The following LIFR variants were observed in gnomAD, a reference collection of about 807,000 sequenced individuals.
LIFR encodes leukemia inhibitory factor receptor.
Under a neutral mutation model 122.2 loss-of-function variants are expected in LIFR, and 84 were observed. The ratio of observed to expected loss-of-function variants is 0.69; its 90% CI spans 0.58 to 0.82. The LOEUF (loss-of-function observed/expected upper bound fraction) is 0.82, where lower values mean the gene tolerates loss of function less well. LIFR is among the 40% of genes least tolerant of loss of function. The pLI is 0.00. For synonymous variants in LIFR, 422 were observed against 434.7 expected, an observed-to-expected ratio of 0.97 and a Z score of 0.36; for missense variants, 1,294 against 1,311.6, an observed-to-expected ratio of 0.99 and a Z score of 0.21.
At position 38,587,316 on chromosome 5, in the gene LIFR, C is replaced by T. The variant is rs185692993; in HGVS notation, c.-20+7945G>A. On this transcript the variant is annotated intron_variant, in intron 1 of 19. Transcript: ENST00000263409. ...GACAGGGATGGGAAGAAAAACCTCA[C>T]GGATAAAAAAGATGTTTAAGCCTGG... Among the ~76,000 whole-genome samples, 717 of 152,062 alleles carry T rather than the reference C, an allele frequency of 4.7e-3. 6 individuals carry two copies. The highest frequency in any genetic ancestry group is 7.0e-3 in the Non-Finnish European group (479 of 67,996).
At chr5:38,587,501 A>G (rs1749789120) in intron 1 of LIFR, among the ~76,000 whole-genome samples, 1 of 151,202 alleles carries the variant, frequency 6.6e-6, no homozygotes, top group Non-Finnish European at 1.5e-5. Context: ...AAAGGCCACT[A>G]TTGCTTGAGC....
chr5:38,583,212 C>A (rs555023622), intron 1 of LIFR, among the ~76,000 whole-genome samples: 1 of 152,204 alleles, frequency 6.6e-6, no homozygotes. Context: ...TATGGTACAA[C>A]TTATAACACT....
At chr5:38,531,641 GAAA>G (rs1462321300) in intron 1 of LIFR, among the ~76,000 whole-genome samples, 1 of 151,584 alleles carries the variant, frequency 6.6e-6, no homozygotes, top group Non-Finnish European at 1.5e-5. Flanking sequence ...ATTAAAATAA[GAAA>G]AAGATTGAGT....
At chr5:38,597,759 G>C (rs1195342417), upstream of LIFR, among the ~76,000 whole-genome samples, 1 of 152,200 alleles carries the variant, frequency 6.6e-6, no homozygotes, top group Admixed American at 6.5e-5. Flanking sequence ...TGACCAGCTG[G>C]AGACGGAGCG....
rs773879683 is a variant in LIFR, at chr5:38,510,562, G to GC, written c.892dup (p.Ala298GlyfsTer6). On this transcript the variant is annotated frameshift_variant, in exon 7 of 20. Transcript: ENST00000453190. LOFTEE classifies it high-confidence loss of function. ...AACAGAAATATTACGAATCTTGATT[G>GC]CAACATTTTCCCCATCAAGATGGAT... The GC allele has an allele frequency of 1.2e-6, 2 of 1,613,940 alleles. No individual in the cohort carries two copies. The highest frequency in any genetic ancestry group is 3.3e-5 in the Admixed American group (2 of 60,014).
chr5:38,513,242 T>C (rs1310690239), intron 5 of LIFR, among the ~76,000 whole-genome samples: 2 of 152,164 alleles, frequency 1.3e-5, no homozygotes, highest in East Asian at 1.9e-4. Context: ...GTAACTGATG[T>C]AGAAGACCTG....
intron 1 of LIFR, among the ~76,000 whole-genome samples, chr5:38,586,004 G>A (rs7711821): frequency 0.094 from 14,353 of 151,916 alleles, 2,256 homozygotes; most frequent in African/African-American, 0.33. Context: ...CAACTAAGCC[G>A]AGTGTAGCAT....
At position 38,517,856 on chromosome 5, in the gene LIFR, CAAAAAA is replaced by C. The variant is rs572954936; in HGVS notation, c.561+5557_561+5562del. On this transcript the variant is annotated intron_variant, in intron 5 of 19. Coordinates refer to ENST00000453190, the MANE Select transcript of LIFR (RefSeq NM_001127671.2). ...TGTGCAACAGAGCAAGACACTGTCT[CAAAAAA>C]AAAAAAAAAAAAAAAAAAAGGATGG... Among the ~76,000 whole-genome samples the C allele has an allele frequency of 7.8e-3, 118 of 15,046 alleles. 4 individuals carry two copies. Among genetic ancestry groups the C allele is most frequent in the African/African-American group, 0.045 (102 of 2,252 alleles). 9.9% of individuals were successfully genotyped at this position (15,046 alleles called of 152,430 possible). A position where few individuals can be genotyped will look rare whatever the true frequency, so the allele number is the denominator to read the frequency against.
chr5:38,555,888 G>T (rs1008468248), intron 1 of LIFR, among the ~76,000 whole-genome samples: 1 of 152,076 alleles, frequency 6.6e-6, no homozygotes, highest in African/African-American at 2.4e-5. Flanking sequence ...TTTAACTTTG[G>T]GTTTAACCAG....
rs1341761981 is a variant in LIFR, at chr5:38,505,945, A to G, written c.1251T>C (p.Gly417=). ...NFTLNAHNPL[G]RSQSTILVNI... is the part of the protein sequence containing the mutation. ...TAACTAAAATTGTTGATTGTGATCGACCCAGCGGATTGTGAGCATTCAAAG... is the reference window on the plus strand; with the variant it reads ...TAACTAAAATTGTTGATTGTGATCGGCCCAGCGGATTGTGAGCATTCAAAG... The change falls in exon 9 of 20, where the codon GGT becomes GGC. Residue 417 remains glycine, a synonymous_variant. Coordinates refer to ENST00000453190, the MANE Select transcript of LIFR (RefSeq NM_001127671.2). 1.9e-6 allele frequency: 3 copies of G among 1,611,088 alleles called. No individual in the cohort carries two copies. The highest frequency in any genetic ancestry group is 2.5e-6 in the Non-Finnish European group (3 of 1,178,292).
At chr5:38,568,904 A>G (rs1286124537) in intron 1 of LIFR, among the ~76,000 whole-genome samples, 1 of 152,238 alleles carries the variant, frequency 6.6e-6, no homozygotes, top group Admixed American at 6.5e-5. Flanking sequence ...TTCAACTACA[A>G]TGTGGTGAGT....
chr5:38,584,031 T>TA (rs1749672941), intron 1 of LIFR, among the ~76,000 whole-genome samples: 2 of 152,094 alleles, frequency 1.3e-5, no homozygotes, highest in African/African-American at 4.8e-5. Context: ...CTTTTTTTTT[T>TA]AATTAATTAC....
chr5:38,573,684 G>A lies in LIFR; in HGVS notation c.-20+21577C>T, dbSNP rs907285450. On this transcript the variant is annotated intron_variant, in intron 1 of 19. Coordinates refer to the LIFR transcript ENST00000263409. The stretch of plus-strand genomic sequence containing the variant: ...CAGATGCACTTGGTAGTCCCTCATC[G>A]CATAAATATAAATGAATGACTGGAT... Among the ~76,000 whole-genome samples the A allele has an allele frequency of 3.3e-5, 5 of 152,252 alleles. No homozygotes were observed. The South Asian group carries it at 6.2e-4, about 19-fold the overall frequency.
At position 38,512,186 on chromosome 5, in the gene LIFR, T is replaced by A. The variant is rs146314485; in HGVS notation, c.562-222A>T. On this transcript the variant is annotated intron_variant, in intron 5 of 19. Transcript: ENST00000453190. ...TTAGGCCCTAATGTATTATATAAGA[T>A]GTTGCTATTCATTGAAACATTCAAT... Among the ~76,000 whole-genome samples the A allele has an allele frequency of 8.4e-3, 1,275 of 152,330 alleles. 8 individuals are homozygous for A. The highest frequency in any genetic ancestry group is 0.014 in the Non-Finnish European group (924 of 68,026).
At chr5:38,576,058 G>T (rs1318764984) in intron 1 of LIFR, among the ~76,000 whole-genome samples, 1 of 152,142 alleles carries the variant, frequency 6.6e-6, no homozygotes, top group Admixed American at 6.5e-5. Context: ...AAATCAGACT[G>T]CTGGGCCCAC....
chr5:38,487,178 G>T (rs1193429373), intron 16 of LIFR, among the ~76,000 whole-genome samples: 1 of 152,096 alleles, frequency 6.6e-6, no homozygotes, highest in Non-Finnish European at 1.5e-5. Context: ...TCTCCCCTGT[G>T]GCTTCCTGGA....
chr5:38,510,028 A>C (rs1225809235), intron 7 of LIFR, among the ~76,000 whole-genome samples: 2 of 152,342 alleles, frequency 1.3e-5, no homozygotes, highest in South Asian at 4.1e-4. Context: ...GATGGAGAAG[A>C]TATGTTATGC....
At chr5:38,520,732 A>G (rs1194558093) in intron 5 of LIFR, among the ~76,000 whole-genome samples, 1 of 152,198 alleles carries the variant, frequency 6.6e-6, no homozygotes, top group Admixed American at 6.5e-5. Context: ...TTTGTCAAAG[A>G]TAAGTTTGCT....
intron 1 of LIFR, among the ~76,000 whole-genome samples, chr5:38,587,705 A>G (rs916123097): frequency 2.6e-5 from 4 of 152,324 alleles, no homozygotes; most frequent in African/African-American, 7.2e-5. Context: ...CCAGAATCTG[A>G]GAAATAACAT....
Sources: gnomAD v4.1 joint callset for allele counts (sites outside exome capture counted in the v4.1 genomes callset) on GRCh38, gnomAD v4.1.1 for gene constraint, MANE v1.5 for transcripts, NCBI Gene and HGNC (gene_info 2026-07-23, HGNC 2026-07-21) for gene names.